Variants in NCOA1 observed in about 807,000 individuals in gnomAD.
NCOA1 encodes Hin-2 protein.
NCOA1 carries 35 observed loss-of-function variants against 150.9 expected under a neutral mutation model. The ratio of observed to expected loss-of-function variants is 0.23; its 90% CI spans 0.18 to 0.31. NCOA1 has a LOEUF of 0.31. Ranked by LOEUF, NCOA1 falls within the 10% of genes least tolerant of loss-of-function variation. The pLI is 1.00. For missense variants in NCOA1, 1,491 were observed against 1,749.3 expected (o/e 0.85, Z 2.63); for synonymous variants, 590 against 630.0 (o/e 0.94, Z 0.95).
chr2:24,696,818 C>T (rs1030781640), intron 10 of NCOA1, among the ~76,000 whole-genome samples: 7 of 151,916 alleles, frequency 4.6e-5, no homozygotes, highest in Non-Finnish European at 8.8e-5. Flanking sequence ...ATATTGGTAA[C>T]GTCAAGTTCT....
At chr2:24,589,840 G>C (rs896311355) in intron 3 of NCOA1, among the ~76,000 whole-genome samples, 2 of 152,134 alleles carry the variant, frequency 1.3e-5, no homozygotes, top group Admixed American at 1.3e-4. Flanking sequence ...ATGATGATGG[G>C]AGTATTGGTC....
intron 3 of NCOA1, among the ~76,000 whole-genome samples, chr2:24,594,377 G>C (rs1412425155): frequency 6.6e-6 from 1 of 152,042 alleles, no homozygotes; most frequent in Non-Finnish European, 1.5e-5. Flanking sequence ...TTCCTGATGG[G>C]GGTATTGCTG....
At chr2:24,703,343 T>C (rs1394836296) in intron 11 of NCOA1, among the ~76,000 whole-genome samples, 1 of 152,246 alleles carries the variant, frequency 6.6e-6, no homozygotes, top group South Asian at 2.1e-4. Context: ...TACTGAGTTC[T>C]AATTAATTGA....
rs573005668 is a variant in NCOA1, at chr2:24,768,327, C to G, written c.4262C>G (p.Thr1421Arg). 6.2e-7 allele frequency: 1 copy of G among 1,613,770 alleles called. No individual in the cohort carries two copies. Among genetic ancestry groups the G allele is most frequent in the East Asian group, 2.2e-5 (1 of 44,886 alleles). The change falls in exon 23 of 23, where the codon ACG becomes AGG. Residue 1421 changes from threonine (T) to arginine (R), a missense_variant. By Grantham distance (71) the Thr-to-Arg change is moderately conservative. This residue lies in a region of NCOA1 where 46 missense variants were observed against 78.8 expected (regional missense o/e 0.58). Transcript: ENST00000348332. ...GGTCCACTGGGAACTCAAAAGCCCA[C>G]GTCAGGACCACAGACCCCCCAGGCC... is the stretch of plus-strand genomic sequence containing the variant. ...QPGPLGTQKP[T>R]SGPQTPQAQQ...
At chr2:24,682,912 T>C in intron 7 of NCOA1, 39 bp from the exon 8 acceptor site, 1 of 1,530,240 alleles carries the variant, frequency 6.5e-7, no homozygotes. Flanking sequence ...TTCTTTTATC[T>C]TTCAACCTCC....
intron 4 of NCOA1, among the ~76,000 whole-genome samples, chr2:24,645,702 A>C (rs1670438459): frequency 6.6e-6 from 1 of 152,084 alleles, no homozygotes; most frequent in Non-Finnish European, 1.5e-5. Flanking sequence ...GAGCATCCGA[A>C]ATCTGAAATC....
chr2:24,640,322 C>T (rs1329958123), intron 3 of NCOA1, among the ~76,000 whole-genome samples: 1 of 152,060 alleles, frequency 6.6e-6, no homozygotes, highest in East Asian at 1.9e-4. Flanking sequence ...TACGAGTGTT[C>T]ATTTAGGACA....
At chr2:24,647,217 G>A (rs1280545236) in intron 4 of NCOA1, among the ~76,000 whole-genome samples, 1 of 152,122 alleles carries the variant, frequency 6.6e-6, no homozygotes, top group African/African-American at 2.4e-5. Flanking sequence ...CAAAGCAAAA[G>A]ATTGGGGCTA....
At chr2:24,629,329 A>T (rs1669572429) in intron 3 of NCOA1, among the ~76,000 whole-genome samples, 1 of 152,146 alleles carries the variant, frequency 6.6e-6, no homozygotes, top group African/African-American at 2.4e-5. Context: ...TGTAAGAGTC[A>T]TGAATATTTT....
Position 24,700,898 on chromosome 2 carries a change from TAATAAC to T in NCOA1, c.949+3101_949+3106del, listed in dbSNP as rs1473427780. Among the ~76,000 whole-genome samples, 14 of 152,350 alleles carry T rather than the reference TAATAAC, an allele frequency of 9.2e-5. No homozygotes were observed. In the South Asian group the frequency reaches 1.9e-3, roughly 20 times the overall value. ...ACTATGAACCTAGGTTCCACAAACT[TAATAAC>T]TATAACTAGGAAATGATGTTTTATG... is the stretch of plus-strand genomic sequence containing the variant. On this transcript the variant is annotated intron_variant, in intron 11 of 22. Coordinates refer to ENST00000348332, the MANE Select transcript of NCOA1 (RefSeq NM_003743.5).
chr2:24,552,936 A>G (rs1304376480), intron 1 of NCOA1, among the ~76,000 whole-genome samples: 1 of 152,166 alleles, frequency 6.6e-6, no homozygotes, highest in African/African-American at 2.4e-5. Flanking sequence ...ATTTGTGGAA[A>G]AAAACAGTTT....
chr2:24,635,565 T>G (rs1279713165), intron 3 of NCOA1, among the ~76,000 whole-genome samples: 2 of 152,210 alleles, frequency 1.3e-5, no homozygotes, highest in Non-Finnish European at 2.9e-5. Context: ...AGTACACAAA[T>G]GATTTTTGGG....
chr2:24,502,546 G>A lies in NCOA1; in HGVS notation c.-396+10944G>A, dbSNP rs537237359. 1.6e-4 allele frequency among the ~76,000 whole-genome samples: 24 copies of A among 152,090 alleles called. No homozygotes were observed. The South Asian group carries it at 2.9e-3, about 18-fold the overall frequency. On this transcript the variant is annotated intron_variant, in intron 1 of 22. Coordinates refer to ENST00000348332, the MANE Select transcript of NCOA1 (RefSeq NM_003743.5). ...CTGTTTTGCTCAGAAACCTTCAGTG[G>A]TTCCTCATTGCTGTCAAGATAAAGT...
chr2:24,630,844 A>C (rs1669675293), intron 3 of NCOA1, among the ~76,000 whole-genome samples: 2 of 152,350 alleles, frequency 1.3e-5, no homozygotes, highest in African/African-American at 4.8e-5. Flanking sequence ...CTATTCTATT[A>C]GAAAAAGCAA....
chr2:24,550,858 C>T (rs2148221115), intron 1 of NCOA1, among the ~76,000 whole-genome samples: 3 of 152,292 alleles, frequency 2.0e-5, no homozygotes, highest in Non-Finnish European at 4.4e-5. Flanking sequence ...CCTGAAATCC[C>T]AGCACTTTGG....
At chr2:24,499,096 CAA>C (rs1663347017) in intron 1 of NCOA1, among the ~76,000 whole-genome samples, 1 of 152,074 alleles carries the variant, frequency 6.6e-6, no homozygotes, top group African/African-American at 2.4e-5. Flanking sequence ...GATACTTGCC[CAA>C]GAGTTAGCCA....
At chr2:24,663,055 A>C (rs1189784547) in intron 5 of NCOA1, among the ~76,000 whole-genome samples, 1 of 151,612 alleles carries the variant, frequency 6.6e-6, no homozygotes, top group African/African-American at 2.4e-5. Context: ...TCTGTCTCCC[A>C]AAGTTCTGGG....
chr2:24,707,727 T>C lies in NCOA1; in HGVS notation c.2257T>C (p.Leu753=). 1 of 1,614,144 alleles carries C rather than the reference T, an allele frequency of 6.2e-7. No individual in the cohort carries two copies. The highest frequency in any genetic ancestry group is 1.6e-4 in the Middle Eastern group (1 of 6,062). Residue 753 remains leucine (L), a synonymous_variant, in exon 13 of 23, where the codon TTA becomes CTA. Coordinates refer to ENST00000348332, the MANE Select transcript of NCOA1 (RefSeq NM_003743.5). Reference sequence around the variant, plus strand: ...AGACCATCAGCTCCTACGCTATCTTTTAGATAAAGATGAGAAAGATTTAAG... The same window carrying C: ...AGACCATCAGCTCCTACGCTATCTTCTAGATAAAGATGAGAAAGATTTAAG... ...SKDHQLLRYL[L]DKDEKDLRST...
chr2:24,699,401 G>A (rs1363608576), intron 11 of NCOA1, among the ~76,000 whole-genome samples: 3 of 152,018 alleles, frequency 2.0e-5, no homozygotes, highest in African/African-American at 7.2e-5. Flanking sequence ...AACCTTCAAC[G>A]GAATTCCCCA....
Sources: allele counts gnomAD v4.1 joint callset (sites outside exome capture counted in the v4.1 genomes callset), GRCh38; gene constraint gnomAD v4.1.1; regional missense constraint gnomAD v4.1.1; transcripts MANE v1.5; gene names NCBI Gene and HGNC (gene_info 2026-07-23, HGNC 2026-07-21).